Variants in MAP4K3 observed in about 807,000 individuals in gnomAD.
The protein encoded by MAP4K3 is mitogen-activated protein kinase kinase kinase kinase 3.
In MAP4K3, 94 loss-of-function variants were observed where a neutral mutation model predicts 143.5. That is an observed-to-expected ratio of 0.65 (90% CI 0.55 to 0.78). MAP4K3 has a LOEUF of 0.78. Ranked by LOEUF, MAP4K3 falls within the 30% of genes least tolerant of loss-of-function variation. The pLI, the probability that MAP4K3 is intolerant of heterozygous loss-of-function variation, is 0.00. For synonymous variants in MAP4K3, 416 were observed against 347.2 expected, an observed-to-expected ratio of 1.20 and a Z score of -2.20; for missense variants, 1,077 against 1,068.1, an observed-to-expected ratio of 1.01 and a Z score of -0.12.
intron 1 of MAP4K3, among the ~76,000 whole-genome samples, chr2:39,408,217 T>C (rs1412484414): frequency 6.6e-6 from 1 of 152,220 alleles, no homozygotes; most frequent in Non-Finnish European, 1.5e-5. Flanking sequence ...AGTCAGGAAG[T>C]ACCTTCTCAG....
intron 24 of MAP4K3, among the ~76,000 whole-genome samples, chr2:39,273,221 C>T (rs1681103987): frequency 6.6e-6 from 1 of 152,150 alleles, no homozygotes. Flanking sequence ...TAAGACATTT[C>T]GTTATGCGTA....
At chr2:39,380,586 G>A (rs958448729) in intron 1 of MAP4K3, among the ~76,000 whole-genome samples, 5 of 152,094 alleles carry the variant, frequency 3.3e-5, no homozygotes, top group Admixed American at 3.3e-4. Flanking sequence ...GTTCATACTT[G>A]TGAAGGGCAG....
intron 22 of MAP4K3, among the ~76,000 whole-genome samples, chr2:39,281,890 G>T (rs972380776): frequency 1.3e-5 from 2 of 151,678 alleles, no homozygotes; most frequent in East Asian, 1.9e-4. Context: ...TAATTAAAAA[G>T]TAGAATTTAA....
At chr2:39,335,476 C>G (rs1664916256) in intron 6 of MAP4K3, among the ~76,000 whole-genome samples, 2 of 152,228 alleles carry the variant, frequency 1.3e-5, no homozygotes, top group African/African-American at 4.8e-5. Flanking sequence ...GAACATCAAA[C>G]TACCCAACCA....
intron 28 of MAP4K3, 78 bp downstream of exon 28, chr2:39,265,125 A>G (rs2148445666): frequency 9.8e-7 from 1 of 1,023,866 alleles, no homozygotes; most frequent in Non-Finnish European, 1.5e-6. Context: ...AATTAACTGA[A>G]AAAAATGTTT....
At chr2:39,291,838 T>A (rs1005039378) in intron 18 of MAP4K3, among the ~76,000 whole-genome samples, 10 of 152,112 alleles carry the variant, frequency 6.6e-5, no homozygotes, top group African/African-American at 2.4e-4. Flanking sequence ...ATCACACCAC[T>A]GCACTTCAGG....
At chr2:39,385,430 C>G (rs1017853534) in intron 1 of MAP4K3, among the ~76,000 whole-genome samples, 1 of 151,614 alleles carries the variant, frequency 6.6e-6, no homozygotes, top group Admixed American at 6.6e-5. Flanking sequence ...TCCTTGATGA[C>G]TAATGATGCT....
rs369164047 is a variant in MAP4K3 at position 39,436,916 on chromosome 2, G to A, written c.72C>T (p.Ser24=). 6.8e-6 allele frequency: 11 copies of A among 1,611,804 alleles called. No individual in the cohort carries two copies. The highest frequency in any genetic ancestry group is 5.3e-5 in the African/African-American group (4 of 74,856). ...CCTTGTAGACGTCGCCGTAGGTGCCGCTGCCGATGCGCTGAATCAGCTCGA... is the reference window on the plus strand; with the variant it reads ...CCTTGTAGACGTCGCCGTAGGTGCCACTGCCGATGCGCTGAATCAGCTCGA... ...EDFELIQRIG[S]GTYGDVYKAR... is the part of the protein sequence containing the mutation. Residue 24 remains serine (S), a synonymous_variant, in exon 1 of 34, where the codon AGC becomes AGT. Coordinates refer to ENST00000263881, the MANE Select transcript of MAP4K3 (RefSeq NM_003618.4).
intron 24 of MAP4K3, among the ~76,000 whole-genome samples, chr2:39,278,101 G>A (rs1395160798): frequency 6.6e-6 from 1 of 151,410 alleles, no homozygotes; most frequent in Admixed American, 6.6e-5. Flanking sequence ...GGCCAACATG[G>A]TGAAACCCTG....
chr2:39,409,856 A>G (rs1235341430), intron 1 of MAP4K3, among the ~76,000 whole-genome samples: 1 of 152,248 alleles, frequency 6.6e-6, no homozygotes, highest in Non-Finnish European at 1.5e-5. Flanking sequence ...TCTAATTCAC[A>G]GGCACTGAGA....
chr2:39,251,945 C>T, intron 32 of MAP4K3, 60 bp from the exon 33 acceptor site: 4 of 1,058,546 alleles, frequency 3.8e-6, no homozygotes, highest in Non-Finnish European at 5.8e-6. Context: ...TTTTAATGGG[C>T]ACTTCATTAT....
intron 3 of MAP4K3, among the ~76,000 whole-genome samples, chr2:39,353,298 C>T (rs1665511043): frequency 6.6e-6 from 1 of 152,170 alleles, no homozygotes; most frequent in Admixed American, 6.5e-5. Flanking sequence ...TGAGCCTGAA[C>T]TTCAATTAGG....
intron 16 of MAP4K3, among the ~76,000 whole-genome samples, chr2:39,297,194 T>C (rs1286299742): frequency 6.6e-6 from 1 of 152,042 alleles, no homozygotes; most frequent in African/African-American, 2.4e-5. Context: ...CTCGGCTCAC[T>C]GCAACCACCG....
chr2:39,350,312 T>C (rs921808058), intron 3 of MAP4K3, among the ~76,000 whole-genome samples: 8 of 152,192 alleles, frequency 5.3e-5, no homozygotes, highest in Non-Finnish European at 1.0e-4. Flanking sequence ...TAGCTAATAG[T>C]ATCGCACCAA....
intron 12 of MAP4K3, among the ~76,000 whole-genome samples, chr2:39,321,984 G>A (rs892505322): frequency 9.2e-5 from 14 of 152,158 alleles, no homozygotes; most frequent in Non-Finnish European, 2.1e-4. Context: ...AGAGGCTGGC[G>A]GGATCCTCCA....
In MAP4K3 at chr2:39,337,578, G is replaced by A. The variant is rs1459645971; in HGVS notation, c.314C>T (p.Thr105Ile). The A allele has an allele frequency of 1.2e-6, 2 of 1,607,376 alleles. No individual in the cohort carries two copies. The highest frequency in any genetic ancestry group is 1.7e-5 in the Admixed American group (1 of 59,912). ...AATTTGCAGTTCTGACAGAGGTCCA[G>A]TTACTGTAAAAGAAGACAATTAATA... is the stretch of plus-strand genomic sequence containing the variant. ...GGSLQDIYHV[T>I]GPLSELQIAY... is the part of the protein sequence containing the mutation. The change falls in exon 5 of 34, where the codon ACT becomes ATT. Residue 105 changes from threonine to isoleucine, a missense_variant. Around this residue, in one of 2 missense-constraint regions of MAP4K3, gnomAD observed 213 missense variants for 266.8 expected, o/e 0.80. Coordinates refer to ENST00000263881, the MANE Select transcript of MAP4K3 (RefSeq NM_003618.4).
intron 1 of MAP4K3, among the ~76,000 whole-genome samples, chr2:39,406,236 G>C (rs1667088554): frequency 6.6e-6 from 1 of 152,024 alleles, no homozygotes; most frequent in Non-Finnish European, 1.5e-5. Flanking sequence ...GCAAGATCTA[G>C]AAAAAAGCCT....
chr2:39,336,871 G>A (rs952647787), intron 6 of MAP4K3, 49 bp downstream of exon 6: 3 of 781,590 alleles, frequency 3.8e-6, no homozygotes, highest in Non-Finnish European at 5.9e-6. Context: ...TTTGATCAGA[G>A]TATTTAAAAA....
intron 1 of MAP4K3, among the ~76,000 whole-genome samples, chr2:39,398,200 T>G (rs992614820): frequency 2.0e-5 from 3 of 152,018 alleles, no homozygotes; most frequent in African/African-American, 7.2e-5. Context: ...CAGTATGAAA[T>G]TGCCTGTTAA....
Sources: gnomAD v4.1 joint callset for allele counts (sites outside exome capture counted in the v4.1 genomes callset) on GRCh38, gnomAD v4.1.1 for gene constraint, gnomAD v4.1.1 regional missense constraint, MANE v1.5 for transcripts, NCBI Gene and HGNC (gene_info 2026-07-23, HGNC 2026-07-21) for gene names.